GGA2: variants seen among roughly 807,000 people sequenced by gnomAD.
GGA2 encodes golgi associated, gamma adaptin ear containing, ARF binding protein 2.
In GGA2, 48 loss-of-function variants were observed where a neutral mutation model predicts 79.5. The ratio of observed to expected loss-of-function variants is 0.60; its 90% CI spans 0.48 to 0.77. GGA2 has a LOEUF of 0.77. Among genes scored for constraint, GGA2 ranks in the 30% least tolerant of loss-of-function variants. The pLI is 0.00. For missense variants in GGA2, 770 were observed against 774.0 expected, an observed-to-expected ratio of 0.99 and a Z score of 0.06; for synonymous variants, 317 against 302.0, an observed-to-expected ratio of 1.05 and a Z score of -0.51.
intron 5 of GGA2, among the ~76,000 whole-genome samples, chr16:23,489,286 A>C (rs749811871): frequency 3.0e-4 from 46 of 152,196 alleles, no homozygotes; most frequent in Non-Finnish European, 5.7e-4. Context: ...CCAGGCTAGA[A>C]TGCAGTGGTG....
intron 6 of GGA2, 126 bp from the exon 7 acceptor site, chr16:23,486,916 A>G: frequency 1.4e-6 from 1 of 723,808 alleles, no homozygotes; most frequent in Non-Finnish European, 2.6e-6. Context: ...ATCTCACCAA[A>G]TGGTCCAAGG....
upstream of GGA2, among the ~76,000 whole-genome samples, chr16:23,511,901 C>T (rs1965069011): frequency 6.6e-6 from 1 of 152,122 alleles, no homozygotes; most frequent in African/African-American, 2.4e-5. Context: ...ACTGGCTTTT[C>T]GACCGGGGTG....
chr16:23,494,074 C>T (rs114277071), intron 3 of GGA2: 242 of 558,046 alleles, frequency 4.3e-4, no homozygotes, highest in African/African-American at 4.3e-3. Context: ...ACCTTCCTTT[C>T]CTTCTCCCAC....
chr16:23,476,670 A>C (rs1340936939), intron 13 of GGA2, among the ~76,000 whole-genome samples: 1 of 152,258 alleles, frequency 6.6e-6, no homozygotes, highest in Non-Finnish European at 1.5e-5. Context: ...GTGTAACAAG[A>C]CACAGGAATG....
At chr16:23,482,018 G>A (rs2142122695) in intron 9 of GGA2, among the ~76,000 whole-genome samples, 1 of 152,254 alleles carries the variant, frequency 6.6e-6, no homozygotes, top group East Asian at 1.9e-4. Flanking sequence ...TGTAATCCCA[G>A]CACTTTGGGA....
upstream of GGA2, among the ~76,000 whole-genome samples, chr16:23,511,790 G>A (rs998652382): frequency 6.6e-6 from 1 of 152,112 alleles, no homozygotes; most frequent in Non-Finnish European, 1.5e-5. Flanking sequence ...TTACATGAGG[G>A]AACCAAGCAG....
intron 14 of GGA2, 34 bp from the exon 15 acceptor site, chr16:23,470,199 C>CCACT (rs776234618): frequency 6.6e-7 from 1 of 1,509,296 alleles, no homozygotes; most frequent in Non-Finnish European, 8.9e-7. Flanking sequence ...AGGTTTAACA[C>CCACT]CACTACAAAC....
intron 1 of GGA2, among the ~76,000 whole-genome samples, chr16:23,503,506 AGGATATTT>A (rs1964941907): frequency 6.6e-6 from 1 of 152,236 alleles, no homozygotes; most frequent in African/African-American, 2.4e-5. Context: ...AAACACTACT[AGGATATTT>A]GGATTGATAG....
At chr16:23,510,156 C>A (rs1355662067) in intron 1 of GGA2, among the ~76,000 whole-genome samples, 165 bp downstream of exon 1, 1 of 150,660 alleles carries the variant, frequency 6.6e-6, no homozygotes, top group Non-Finnish European at 1.5e-5. Flanking sequence ...GGGCTCCTCT[C>A]GGGGGACCCC....
At chr16:23,504,644 G>T (rs578210980) in intron 1 of GGA2, among the ~76,000 whole-genome samples, 1 of 152,188 alleles carries the variant, frequency 6.6e-6, no homozygotes, top group Non-Finnish European at 1.5e-5. Flanking sequence ...CACAGCAACC[G>T]CCGTAGGTCT....
At chr16:23,506,125 T>C (rs1596996254) in intron 1 of GGA2, among the ~76,000 whole-genome samples, 1 of 152,174 alleles carries the variant, frequency 6.6e-6, no homozygotes, top group African/African-American at 2.4e-5. Flanking sequence ...TCTCTTCCCA[T>C]CTTAAAGATA....
rs531638511 is a variant in GGA2 at position 23,521,265 on chromosome 16, T to C, written c.8+528A>G. 4.6e-5 allele frequency among the ~76,000 whole-genome samples: 7 copies of C among 152,330 alleles called. No homozygotes were observed. In the East Asian group the frequency reaches 1.3e-3, roughly 29 times the overall value. On this transcript the variant is annotated intron_variant, in intron 1 of 5. Coordinates refer to the GGA2 transcript ENST00000569300. ...CTTGCAAAACTGAAACTCTATACCC[T>C]AAACAGTAACTTCCCATTTCTGCCT... is the stretch of plus-strand genomic sequence containing the variant.
At chr16:23,491,925 G>A in intron 4 of GGA2, 125 bp from the exon 5 acceptor site, 1 of 602,562 alleles carries the variant, frequency 1.7e-6, no homozygotes, top group African/African-American at 1.9e-5. Context: ...AGTGTGAGGA[G>A]AGACTAGAGG....
At position 23,466,022 on chromosome 16, in the gene GGA2, T is replaced by C. The variant is rs1352342781; in HGVS notation, c.*1568A>G. 1.3e-5 allele frequency: 2 copies of C among 152,342 alleles called. No individual in the cohort carries two copies. The highest frequency in any genetic ancestry group is 2.9e-5 in the Non-Finnish European group (2 of 68,166). The allele number at this position is 152,342 out of a possible 1,614,324, so 9.4% of individuals were successfully genotyped here. A position where few individuals can be genotyped will look rare whatever the true frequency, so the allele number is the denominator to read the frequency against. On this transcript the variant is annotated 3_prime_UTR_variant, in exon 17 of 17. Coordinates refer to ENST00000309859, the MANE Select transcript of GGA2 (RefSeq NM_015044.4). ...TTCGTCTTATGTGAATTATGGCAAATGAAATCACCCCACTGTTTACCTGTT... is the reference window on the plus strand; with the variant it reads ...TTCGTCTTATGTGAATTATGGCAAACGAAATCACCCCACTGTTTACCTGTT...
chr16:23,488,043 T>C (rs1964737514), intron 6 of GGA2, among the ~76,000 whole-genome samples: 3 of 152,092 alleles, frequency 2.0e-5, no homozygotes, highest in Admixed American at 6.5e-5. Context: ...CTCTAGATAC[T>C]GATGTCCAAG....
chr16:23,465,545 A>G lies in GGA2; in HGVS notation c.*2045T>C, dbSNP rs1423761003. On this transcript the variant is annotated 3_prime_UTR_variant, in exon 17 of 17. Transcript: ENST00000309859. ...TAGGGGAGAAAGCCTGTCTTTATGTATAAGTCTCATTCACCCATTTTGACC... is the reference window on the plus strand; with the variant it reads ...TAGGGGAGAAAGCCTGTCTTTATGTGTAAGTCTCATTCACCCATTTTGACC... The G allele has an allele frequency of 5.1e-5, 32 of 630,664 alleles. No homozygotes were observed. Among genetic ancestry groups the G allele is most frequent in the South Asian group, 1.8e-4 (10 of 54,334 alleles). The allele number at this position is 630,664 out of a possible 1,614,324, so 39.1% of individuals were successfully genotyped here.
In GGA2 at chr16:23,463,567, C is replaced by T. The variant is rs1244635054; in HGVS notation, c.*4023G>A. The T allele has an allele frequency of 6.6e-6, 1 of 152,184 alleles. No homozygotes were observed. Among genetic ancestry groups the T allele is most frequent in the Non-Finnish European group, 1.5e-5 (1 of 68,042 alleles). The allele number at this position is 152,184 out of a possible 1,614,324, so 9.4% of individuals were successfully genotyped here. A position where few individuals can be genotyped will look rare whatever the true frequency, so the allele number is the denominator to read the frequency against. The stretch of plus-strand genomic sequence containing the variant: ...TAAAAAAATAAGGTTTTATTTTCAG[C>T]TGATTTTAGAAAGCTCAGAAAAAAT... On this transcript the variant is annotated 3_prime_UTR_variant, in exon 17 of 17. Transcript: ENST00000309859.
At chr16:23,483,106 G>T in intron 8 of GGA2, 102 bp from the exon 9 acceptor site, 1 of 720,250 alleles carries the variant, frequency 1.4e-6, no homozygotes, top group Admixed American at 2.1e-5. Context: ...CAGAGTCTGG[G>T]GCTTCAGAAG....
At position 23,470,168 on chromosome 16, in the gene GGA2, G is replaced by A. The variant is rs759694967; in HGVS notation, c.1451-3C>T. On this transcript the variant is annotated splice_polypyrimidine_tract_variant and splice_region_variant and intron_variant, in intron 14 of 16. Coordinates refer to ENST00000309859, the MANE Select transcript of GGA2 (RefSeq NM_015044.4). Reference sequence around the variant, plus strand: ...CACAATGAGAGGCGGCAGGCTGCCTGGTATAAAGGGCACAAGCAGAAGGTT... The same window carrying A: ...CACAATGAGAGGCGGCAGGCTGCCTAGTATAAAGGGCACAAGCAGAAGGTT... The A allele has an allele frequency of 1.3e-6, 2 of 1,587,130 alleles. No homozygotes were observed. Among genetic ancestry groups the A allele is most frequent in the Admixed American group, 1.8e-5 (1 of 56,052 alleles).
Sources: gnomAD v4.1 joint callset for allele counts (sites outside exome capture counted in the v4.1 genomes callset) on GRCh38, gnomAD v4.1.1 for gene constraint, MANE v1.5 for transcripts, NCBI Gene and HGNC (gene_info 2026-07-23, HGNC 2026-07-21) for gene names.